PPP1R14C: variants seen among roughly 807,000 people sequenced by gnomAD.
The protein encoded by PPP1R14C is protein phosphatase 1 regulatory subunit 14C.
PPP1R14C carries 16 observed loss-of-function variants against 20.4 expected under a neutral mutation model. That is an observed-to-expected ratio of 0.78 (90% CI 0.53 to 1.19). The LOEUF (loss-of-function observed/expected upper bound fraction) is 1.19, where lower values mean the gene tolerates loss of function less well. Ranked by LOEUF, PPP1R14C falls within the 50% of genes most tolerant of loss-of-function variation. The pLI, the probability that PPP1R14C is intolerant of heterozygous loss-of-function variation, is 0.00. For synonymous variants in PPP1R14C, 91 were observed against 91.0 expected (o/e 1.00, Z 0.00); for missense variants, 211 against 220.1 (o/e 0.96, Z 0.26).
At chr6:150,162,507 G>GT (rs1190787343) in intron 1 of PPP1R14C, among the ~76,000 whole-genome samples, 2 of 137,828 alleles carry the variant, frequency 1.5e-5, no homozygotes, top group East Asian at 2.3e-4. Context: ...TTCATCCGTG[G>GT]TTTTTTTGTG....
At chr6:150,149,443 A>ATTTTTTTTTTTTTTTTT (rs1216146263) in intron 1 of PPP1R14C, among the ~76,000 whole-genome samples, 16 of 119,940 alleles carry the variant, frequency 1.3e-4, no homozygotes, top group African/African-American at 4.3e-4. Context: ...CTCCCACCTA[A>ATTTTTTTTTTTTTTTTT]TTTTTTTTTT....
chr6:150,155,419 T>C (rs1039668794), intron 1 of PPP1R14C, among the ~76,000 whole-genome samples: 2 of 152,036 alleles, frequency 1.3e-5, no homozygotes, highest in Non-Finnish European at 2.9e-5. Context: ...AAATACTCAG[T>C]GATATAAGTA....
chr6:150,144,943 A>T (rs1051572179), intron 1 of PPP1R14C, among the ~76,000 whole-genome samples: 1 of 152,156 alleles, frequency 6.6e-6, no homozygotes, highest in Non-Finnish European at 1.5e-5. Context: ...GGATGAGTGG[A>T]TGTGCTCAGT....
Sources: gnomAD v4.1 joint callset for allele counts (sites outside exome capture counted in the v4.1 genomes callset) on GRCh38, gnomAD v4.1.1 for gene constraint, MANE v1.5 for transcripts, NCBI Gene and HGNC (gene_info 2026-07-23, HGNC 2026-07-21) for gene names.